Variants in INPP5D observed in about 807,000 individuals in gnomAD.
INPP5D encodes the protein inositol polyphosphate-5-phosphatase D, also known as phosphatidylinositol 3,4,5-trisphosphate 5-phosphatase 1.
A neutral mutation model predicts 122.9 loss-of-function variants in INPP5D; 33 were observed. The observed-to-expected ratio is 0.27, with a 90% CI of 0.20 to 0.36. The LOEUF is 0.36. Among genes scored for constraint, INPP5D ranks in the 10% least tolerant of loss-of-function variants. INPP5D has a pLI of 1.00. For synonymous variants in INPP5D, 584 were observed against 576.2 expected (o/e 1.01, Z -0.19); for missense variants, 1,053 against 1,412.7 (o/e 0.75, Z 4.08).
At chr2:233,134,648 C>T (rs1375885923) in intron 5 of INPP5D, among the ~76,000 whole-genome samples, 15 of 152,164 alleles carry the variant, frequency 9.9e-5, no homozygotes, top group Non-Finnish European at 1.0e-4. Context: ...AGAAACTTTT[C>T]CAGAGAGAGA....
intron 5 of INPP5D, among the ~76,000 whole-genome samples, chr2:233,137,302 A>G (rs988285243): frequency 2.0e-5 from 3 of 152,198 alleles, no homozygotes; most frequent in Non-Finnish European, 2.9e-5. Context: ...AACGGAAACC[A>G]TTTACATAGA....
intron 2 of INPP5D, among the ~76,000 whole-genome samples, chr2:233,081,471 A>G (rs1574709898): frequency 6.6e-6 from 1 of 151,906 alleles, no homozygotes; most frequent in South Asian, 2.1e-4. Context: ...AAAAGACATG[A>G]CTCTGTGGCT....
intron 2 of INPP5D, among the ~76,000 whole-genome samples, chr2:233,086,158 T>TTTCTTTCTTTCC: frequency 6.8e-6 from 1 of 147,254 alleles, no homozygotes. Context: ...TCTTTCTTTC[T>TTTCTTTCTTTCC]TTCTTTCTTT....
chr2:233,076,810 A>G (rs564795685), intron 1 of INPP5D, among the ~76,000 whole-genome samples: 81 of 152,376 alleles, frequency 5.3e-4, no homozygotes, highest in African/African-American at 1.9e-3. Flanking sequence ...AATTAAAGCA[A>G]GTTATCATTC....
intron 1 of INPP5D, among the ~76,000 whole-genome samples, chr2:233,063,726 G>A (rs146120822): frequency 1.3e-5 from 2 of 152,374 alleles, no homozygotes; most frequent in African/African-American, 4.8e-5. Context: ...GGCACAGACA[G>A]TTGCAGTGGG....
intron 2 of INPP5D, among the ~76,000 whole-genome samples, chr2:233,110,133 C>A (rs1327939524): frequency 6.6e-6 from 1 of 151,382 alleles, no homozygotes; most frequent in Non-Finnish European, 1.5e-5. Context: ...CTCACTGCAG[C>A]CTCTGCCTCC....
At chr2:233,075,903 A>T (rs1330785287) in intron 1 of INPP5D, among the ~76,000 whole-genome samples, 1 of 151,994 alleles carries the variant, frequency 6.6e-6, no homozygotes, top group Non-Finnish European at 1.5e-5. Context: ...TCTAAGGGGG[A>T]AGTATCTTCT....
chr2:233,151,558 C>T (rs577219972), intron 9 of INPP5D, among the ~76,000 whole-genome samples: 270 of 152,332 alleles, frequency 1.8e-3, no homozygotes, highest in Non-Finnish European at 2.5e-3. Flanking sequence ...CCTTTACACA[C>T]CCTGGACTCT....
intron 2 of INPP5D, among the ~76,000 whole-genome samples, chr2:233,119,513 C>T (rs1180060594): frequency 6.6e-6 from 1 of 152,146 alleles, no homozygotes; most frequent in Non-Finnish European, 1.5e-5. Flanking sequence ...AAAGAGATTG[C>T]TTAACACGGG....
intron 1 of INPP5D, among the ~76,000 whole-genome samples, chr2:233,069,678 A>T (rs537952228): frequency 1.3e-5 from 2 of 152,286 alleles, no homozygotes; most frequent in African/African-American, 4.8e-5. Context: ...CTTCCTAATG[A>T]TCATATTTAA....
chr2:233,164,296 C>T lies in INPP5D; in HGVS notation c.1438-11C>T. 8.4e-6 allele frequency: 13 copies of T among 1,546,134 alleles called. No homozygotes were observed. In the South Asian group the frequency reaches 9.6e-5, roughly 11 times the overall value. ...CTTGGGCCGAGTATTGCAACGTTGT[C>T]CTCCCACCAGGTCGCCATCCACACG... On this transcript the variant is annotated splice_polypyrimidine_tract_variant and intron_variant, in intron 12 of 26. Transcript: ENST00000445964. The surrounding 1 kb of genome is among the most constrained non-coding windows in gnomAD (Gnocchi z 4.3).
chr2:233,099,074 C>T lies in INPP5D; in HGVS notation c.198+19676C>T, dbSNP rs932603501. On this transcript the variant is annotated intron_variant, in intron 2 of 26. Transcript: ENST00000445964. Reference sequence around the variant, plus strand: ...CAAGCAATTCTTCTGCCTCAGCCTCCGGAGTAGTTGGGATTATAAGTGTGC... The same window carrying T: ...CAAGCAATTCTTCTGCCTCAGCCTCTGGAGTAGTTGGGATTATAAGTGTGC... Among the ~76,000 whole-genome samples, 8 of 152,068 alleles carry T rather than the reference C, an allele frequency of 5.3e-5. No homozygotes were observed. The South Asian group carries it at 6.2e-4, about 12-fold the overall frequency.
chr2:233,130,240 A>G (rs1693282228), intron 4 of INPP5D, among the ~76,000 whole-genome samples: 1 of 152,088 alleles, frequency 6.6e-6, no homozygotes. Context: ...CCCCCAGCCA[A>G]AACCACTTCC....
At chr2:233,148,639 C>A (rs1026200357) in intron 9 of INPP5D, among the ~76,000 whole-genome samples, 1 of 152,142 alleles carries the variant, frequency 6.6e-6, no homozygotes, top group Non-Finnish European at 1.5e-5. Context: ...AGAGGGCTGA[C>A]GAAAGCATGA....
At position 233,078,364 on chromosome 2, in the gene INPP5D, A is replaced by G. The variant is rs1465491327; in HGVS notation, c.135-971A>G. Among the ~76,000 whole-genome samples the G allele has an allele frequency of 1.3e-5, 2 of 152,242 alleles. No homozygotes were observed. Among genetic ancestry groups the G allele is most frequent in the African/African-American group, 4.8e-5 (2 of 41,454 alleles). ...AAGGTAGAGCTTCTAGAAAGAGAAG[A>G]GAATCTGGGATTCCTAGGACCTTCT... On this transcript the variant is annotated intron_variant, in intron 1 of 26. Transcript: ENST00000445964. The surrounding 1 kb of genome is among the most constrained non-coding windows in gnomAD (Gnocchi z 4.6).
intron 1 of INPP5D, among the ~76,000 whole-genome samples, chr2:233,063,228 A>G (rs1463436528): frequency 6.6e-6 from 1 of 152,144 alleles, no homozygotes; most frequent in Non-Finnish European, 1.5e-5. Flanking sequence ...GTGACTGCAG[A>G]AGGAAGCCAC....
At position 233,105,059 on chromosome 2, in the gene INPP5D, T is replaced by C. The variant is rs1574729457; in HGVS notation, c.199-17048T>C. ...CCAGGCCCCCATTGGCTGTCTTGGG[T>C]AGGGATAGGGAATGTGGACCTCCCG... On this transcript the variant is annotated intron_variant, in intron 2 of 26. Coordinates refer to ENST00000445964, the MANE Select transcript of INPP5D (RefSeq NM_001017915.3). The surrounding 1 kb of genome is among the most constrained non-coding windows in gnomAD (Gnocchi z 4.0). Among the ~76,000 whole-genome samples the C allele has an allele frequency of 6.6e-6, 1 of 151,992 alleles. No homozygotes were observed. The highest frequency in any genetic ancestry group is 2.4e-5 in the African/African-American group (1 of 41,398).
intron 21 of INPP5D, among the ~76,000 whole-genome samples, chr2:233,186,576 G>A (rs1694920503): frequency 6.6e-6 from 1 of 151,468 alleles, no homozygotes; most frequent in African/African-American, 2.4e-5. Context: ...CCAAGGCAGG[G>A]GGATTGCTTG....
intron 5 of INPP5D, among the ~76,000 whole-genome samples, chr2:233,133,225 C>T (rs1693379817): frequency 6.6e-6 from 1 of 152,092 alleles, no homozygotes; most frequent in South Asian, 2.1e-4. Context: ...AGCCACCATG[C>T]CCAGTTCAAA....
Sources: gnomAD v4.1 joint callset for allele counts (sites outside exome capture counted in the v4.1 genomes callset) on GRCh38, gnomAD v4.1.1 for gene constraint, Gnocchi (gnomAD v3.1) non-coding constraint, MANE v1.5 for transcripts, NCBI Gene and HGNC (gene_info 2026-07-23, HGNC 2026-07-21) for gene names.